PTGER4: variants seen among roughly 807,000 people sequenced by gnomAD.
PTGER4 encodes the protein prostaglandin E2 receptor EP4 subtype.
PTGER4 carries 11 observed loss-of-function variants against 33.2 expected under a neutral mutation model. That is an observed-to-expected ratio of 0.33 (90% CI 0.21 to 0.55). The LOEUF is 0.55. PTGER4 is among the 20% of genes least tolerant of loss of function. The pLI is 0.92. For missense variants in PTGER4, 481 were observed against 650.2 expected, an observed-to-expected ratio of 0.74 and a Z score of 2.83; for synonymous variants, 275 against 281.5, an observed-to-expected ratio of 0.98 and a Z score of 0.23.
At chr5:40,722,301 A>C in the PTGER4 span, among the ~76,000 whole-genome samples, 3 of 152,142 alleles carry the variant, frequency 2.0e-5, no homozygotes, top group Admixed American at 2.0e-4. Flanking sequence ...CAAAGTGCCG[A>C]GATTGCATCC....
chr5:40,681,244 A>G lies in PTGER4; in HGVS notation c.251A>G (p.Gln84Arg), dbSNP rs780250639. The G allele has an allele frequency of 2.5e-5, 41 of 1,613,992 alleles. No individual in the cohort carries two copies. The highest frequency in any genetic ancestry group is 3.3e-4 in the Middle Eastern group (2 of 6,084). Residue 84 changes from glutamine (Q) to arginine (R), a missense_variant, in exon 2 of 3, where the codon CAA (glutamine) becomes CGA (arginine). Gln to Arg is a conservative substitution (Grantham distance 43). Around this residue, in one of 7 missense-constraint regions of PTGER4, gnomAD observed 61 missense variants for 145.2 expected, o/e 0.42. Coordinates refer to ENST00000302472, the MANE Select transcript of PTGER4 (RefSeq NM_000958.3). This position sits in a 1 kb window ranked among gnomAD's most constrained non-coding sequence, Gnocchi z 9.8. ...PVTIATYMKGQWPGGQPLCEY... is the reference protein window; with the variant it reads ...PVTIATYMKGRWPGGQPLCEY... ...ACCATCGCCACGTACATGAAGGGCC[A>G]ATGGCCCGGGGGCCAGCCGCTGTGC...
intron 2 of PTGER4, among the ~76,000 whole-genome samples, chr5:40,690,737 A>G (rs1387920872): frequency 6.6e-6 from 1 of 152,238 alleles, no homozygotes; most frequent in Non-Finnish European, 1.5e-5. Flanking sequence ...TTATAAAATG[A>G]GTTTCCTTTA....
At chr5:40,693,793 G>A, downstream of PTGER4, 3 of 824,088 alleles carry the variant, frequency 3.6e-6, no homozygotes, top group Non-Finnish European at 4.4e-6. Flanking sequence ...GTTGTTTCAG[G>A]TCATCATCTA....
the PTGER4 span, among the ~76,000 whole-genome samples, chr5:40,736,632 C>T: frequency 6.6e-6 from 1 of 152,012 alleles, no homozygotes; most frequent in African/African-American, 2.4e-5. Flanking sequence ...AGGAAATATA[C>T]CAAGAACATA....
chr5:40,733,251 C>T, the PTGER4 span, among the ~76,000 whole-genome samples: 2 of 152,078 alleles, frequency 1.3e-5, no homozygotes, highest in Non-Finnish European at 2.9e-5. Context: ...TCTTTGACAG[C>T]TTTTGAGGAA....
At chr5:40,711,312 C>T in the PTGER4 span, among the ~76,000 whole-genome samples, 22 of 152,058 alleles carry the variant, frequency 1.4e-4, no homozygotes, top group Non-Finnish European at 3.1e-4. Context: ...TAGGGAAATG[C>T]ATATTAAAAC....
downstream of PTGER4, among the ~76,000 whole-genome samples, chr5:40,697,525 C>T (rs1579655263): frequency 7.3e-6 from 1 of 137,134 alleles, no homozygotes; most frequent in Admixed American, 8.6e-5. Context: ...GCGGAGGTTG[C>T]GGTGAGCTGA....
chr5:40,709,814 T>C, the PTGER4 span, among the ~76,000 whole-genome samples: 1 of 152,242 alleles, frequency 6.6e-6, no homozygotes, highest in Admixed American at 6.5e-5. Context: ...CAAAACAGCA[T>C]GGTACTGGTA....
At chr5:40,703,264 A>T in the PTGER4 span, among the ~76,000 whole-genome samples, 1 of 152,170 alleles carries the variant, frequency 6.6e-6, no homozygotes, top group Admixed American at 6.5e-5. Flanking sequence ...TACACTAATT[A>T]AGAGAGAAGA....
chr5:40,702,056 T>A, the PTGER4 span, among the ~76,000 whole-genome samples: 6 of 151,898 alleles, frequency 4.0e-5, no homozygotes, highest in South Asian at 2.1e-4. Flanking sequence ...AGGAAAGACC[T>A]CTAGCAGCTG....
chr5:40,681,448 C>G lies in PTGER4; in HGVS notation c.455C>G (p.Ala152Gly). 2 of 1,613,852 alleles carry G rather than the reference C, an allele frequency of 1.2e-6. No homozygotes were observed. Among genetic ancestry groups the G allele is most frequent in the Non-Finnish European group, 1.7e-6 (2 of 1,180,046 alleles). Residue 152 changes from alanine (A) to glycine (G), a missense_variant, in exon 2 of 3, where the codon GCG (alanine) becomes GGG (glycine). Ala to Gly is a moderately conservative substitution (Grantham distance 60). Transcript: ENST00000302472. The surrounding 1 kb of genome is among the most constrained non-coding windows in gnomAD (Gnocchi z 9.8). ...AVYASNVLFC[A>G]LPNMGLGSSR... The stretch of plus-strand genomic sequence containing the variant: ...TATGCGTCCAACGTGCTCTTTTGCG[C>G]GCTGCCCAACATGGGTCTCGGTAGC...
the PTGER4 span, among the ~76,000 whole-genome samples, chr5:40,742,109 T>A: frequency 6.6e-6 from 1 of 152,192 alleles, no homozygotes; most frequent in South Asian, 2.1e-4. Flanking sequence ...AGTTTTTTTT[T>A]TATATCTTTT....
chr5:40,740,000 A>G, the PTGER4 span, among the ~76,000 whole-genome samples: 1 of 152,032 alleles, frequency 6.6e-6, no homozygotes, highest in African/African-American at 2.4e-5. Flanking sequence ...ATTGGCTTAT[A>G]AGCCTTTTAT....
the PTGER4 span, chr5:40,716,475 G>A: frequency 6.3e-7 from 1 of 1,592,342 alleles, no homozygotes; most frequent in Non-Finnish European, 8.5e-7. Flanking sequence ...AGATGTGAAG[G>A]GCTACTTGAA....
At chr5:40,738,954 G>A in the PTGER4 span, among the ~76,000 whole-genome samples, 4 of 152,178 alleles carry the variant, frequency 2.6e-5, no homozygotes, top group East Asian at 5.8e-4. Context: ...CAAGTCCTAC[G>A]TCAGATATAT....
chr5:40,700,517 CT>C, the PTGER4 span, among the ~76,000 whole-genome samples: 1 of 152,372 alleles, frequency 6.6e-6, no homozygotes, highest in East Asian at 1.9e-4. Context: ...GTTGCACACA[CT>C]CCCCATGGCT....
chr5:40,683,242 T>C lies in PTGER4; in HGVS notation c.867+1382T>C, dbSNP rs1340726242. On this transcript the variant is annotated intron_variant, in intron 2 of 2. Transcript: ENST00000302472. This position sits in a 1 kb window ranked among gnomAD's most constrained non-coding sequence, Gnocchi z 4.2. ...GGATCTTTGGTGTAAAAATATATCT[T>C]TGATAAAAGTGACTGTAAATGGAAG... is the stretch of plus-strand genomic sequence containing the variant. 6.6e-6 allele frequency among the ~76,000 whole-genome samples: 1 copy of C among 152,182 alleles called. No individual in the cohort carries two copies. The highest frequency in any genetic ancestry group is 6.5e-5 in the Admixed American group (1 of 15,280).
the PTGER4 span, among the ~76,000 whole-genome samples, chr5:40,700,315 G>T: frequency 1.3e-5 from 2 of 152,340 alleles, no homozygotes; most frequent in African/African-American, 2.4e-5. Flanking sequence ...GAGCTGTCAA[G>T]CCAGTACTAA....
the PTGER4 span, among the ~76,000 whole-genome samples, chr5:40,712,474 G>C: frequency 2.0e-5 from 3 of 152,144 alleles, no homozygotes; most frequent in African/African-American, 4.8e-5. Flanking sequence ...GCTGAAAAAG[G>C]CTAGGTTAGA....
Sources: gnomAD v4.1 joint callset for allele counts (sites outside exome capture counted in the v4.1 genomes callset) on GRCh38, gnomAD v4.1.1 for gene constraint, gnomAD v4.1.1 regional missense constraint, Gnocchi (gnomAD v3.1) non-coding constraint, MANE v1.5 for transcripts, NCBI Gene and HGNC (gene_info 2026-07-23, HGNC 2026-07-21) for gene names.